Variants in KIAA1210 observed in about 807,000 individuals in gnomAD.
KIAA1210 encodes KIAA1210.
In KIAA1210, 48 loss-of-function variants were observed where a neutral mutation model predicts 78.9. That is an observed-to-expected ratio of 0.61 (90% CI 0.48 to 0.77). The LOEUF (loss-of-function observed/expected upper bound fraction) is 0.77, where lower values mean the gene tolerates loss of function less well. KIAA1210 is among the 30% of genes least tolerant of loss of function. The probability of loss-of-function intolerance (pLI) is 0.00; values close to 1 mark genes in which losing one functional copy is unlikely to be tolerated. For missense variants in KIAA1210, 1,108 were observed against 1,100.0 expected, an observed-to-expected ratio of 1.01 and a Z score of -0.10; for synonymous variants, 406 against 404.5, an observed-to-expected ratio of 1.00 and a Z score of -0.04.
At chrX:119,145,512 C>A (rs1010335828) in intron 2 of KIAA1210, among the ~76,000 whole-genome samples, 1 of 110,855 alleles carries the variant, frequency 9.0e-6, no homozygotes, top group Admixed American at 9.6e-5. Flanking sequence ...TAATAGCATG[C>A]AACAGGGGCC....
Position 119,088,794 on chromosome X carries a change from T to G in KIAA1210, c.1908A>C (p.Gln636His). The change falls in exon 9 of 12, where the codon CAA (glutamine) becomes CAC (histidine). Residue 636 changes from glutamine to histidine, a missense_variant. Gln to His is a conservative substitution (Grantham distance 24). This residue lies in a region of KIAA1210 where 672 missense variants were observed against 607.1 expected (regional missense o/e 1.11). Transcript: ENST00000691062. ...SQSLGKFEDE[Q>H]EVFSESKSFV... The stretch of plus-strand genomic sequence containing the variant: ...AACTTTTTGATTCTGAGAAGACTTC[T>G]TGTTCATCTTCAAACTTCCCCAAGG... 8.3e-7 allele frequency: 1 copy of G among 1,211,613 alleles called. No individual in the cohort carries two copies. Among genetic ancestry groups the G allele is most frequent in the Non-Finnish European group, 1.1e-6 (1 of 895,389 alleles).
At position 119,080,251 on chromosome X, in the gene KIAA1210, G is replaced by C. The variant is rs1369481485; in HGVS notation, c.*1078C>G. 2 of 111,844 alleles carry C rather than the reference G, an allele frequency of 1.8e-5. No homozygotes were observed. The highest frequency in any genetic ancestry group is 9.5e-5 in the Admixed American group (1 of 10,580). 9.2% of individuals were successfully genotyped at this position (111,844 alleles called of 1,213,427 possible). A position where few individuals can be genotyped will look rare whatever the true frequency, so the allele number is the denominator to read the frequency against. ...TTCCCAAGAAGCATTCTGCGTCATA[G>C]GGAGGTGCTCGCTACAGCCAGGCCT... is the stretch of plus-strand genomic sequence containing the variant. On this transcript the variant is annotated 3_prime_UTR_variant, in exon 12 of 12. Coordinates refer to ENST00000691062, the MANE Select transcript of KIAA1210 (RefSeq NM_001394962.1).
chrX:119,090,576 C>CG, intron 8 of KIAA1210, among the ~76,000 whole-genome samples: 1 of 101,305 alleles, frequency 9.9e-6, no homozygotes, highest in East Asian at 3.1e-4. Flanking sequence ...GGCCATGTTG[C>CG]TTTTTTTTTT....
At chrX:119,134,615 A>T (rs1928870783) in intron 2 of KIAA1210, among the ~76,000 whole-genome samples, 1 of 111,874 alleles carries the variant, frequency 8.9e-6, no homozygotes, top group Non-Finnish European at 1.9e-5. Flanking sequence ...TGCCTCAGAT[A>T]CTTGCTGCAG....
At chrX:119,081,991 C>A (rs189963201) in intron 11 of KIAA1210, among the ~76,000 whole-genome samples, 11 of 112,055 alleles carry the variant, frequency 9.8e-5, no homozygotes, top group African/African-American at 3.2e-4. Flanking sequence ...TGTACCAACC[C>A]AACTACCCCA....
Position 119,087,609 on chromosome X carries a change from C to T in KIAA1210, c.3093G>A (p.Glu1031=), listed in dbSNP as rs201573264. The T allele has an allele frequency of 2.0e-4, 240 of 1,209,390 alleles. No homozygotes were observed. The highest frequency in any genetic ancestry group is 2.5e-4 in the Non-Finnish European group (223 of 894,847). Residue 1031 remains glutamate (E), a synonymous_variant, in exon 9 of 12, where the codon GAG becomes GAA. Transcript: ENST00000691062. ...VKFMAQQIFS[E]SSALKRGSDV... is the part of the protein sequence containing the mutation. Reference sequence around the variant, plus strand: ...CACTGCCCCTCTTAAGAGCAGAGCTCTCTGAAAAGATTTGCTGTGCCATAA... The same window carrying T: ...CACTGCCCCTCTTAAGAGCAGAGCTTTCTGAAAAGATTTGCTGTGCCATAA...
rs1368062490 is a variant in KIAA1210, at chrX:119,087,750, C to A, written c.2952G>T (p.Gln984His). 3.3e-6 allele frequency: 4 copies of A among 1,211,782 alleles called. No homozygotes were observed. The highest frequency in any genetic ancestry group is 3.4e-6 in the Non-Finnish European group (3 of 895,467). ...GSPLPPQYAT[Q>H]FLKRSKVQEM... ...CCTGAACTTTAGACCTCTTTAAGAA[C>A]TGGGTAGCATATTGGGGAGGCAATG... Residue 984 changes from glutamine to histidine, a missense_variant, in exon 9 of 12, where the codon CAG becomes CAT. By Grantham distance (24) the Gln-to-His change is conservative (BLOSUM62 0). Coordinates refer to ENST00000691062, the MANE Select transcript of KIAA1210 (RefSeq NM_001394962.1).
rs960165246 is a variant in KIAA1210, at chrX:119,109,214, G to A, written c.231-12C>T. 8.4e-7 allele frequency: 1 copy of A among 1,187,054 alleles called. No homozygotes were observed. The highest frequency in any genetic ancestry group is 1.1e-6 in the Non-Finnish European group (1 of 883,422). ...TGCTGCTCTTGGCCCTGGACAGAAA[G>A]GAAAGGTCTTGTAAAAGCAACCCAA... On this transcript the variant is annotated splice_polypyrimidine_tract_variant and intron_variant, in intron 3 of 11. Transcript: ENST00000691062.
chrX:119,143,968 C>T (rs1929106945), intron 2 of KIAA1210, among the ~76,000 whole-genome samples: 1 of 112,608 alleles, frequency 8.9e-6, no homozygotes, highest in African/African-American at 3.2e-5. Flanking sequence ...GCACTTTCTA[C>T]TATATGGTAC....
rs202170203 is a variant in KIAA1210 at position 119,087,642 on chromosome X, G to A, written c.3060C>T (p.Phe1020=). Residue 1020 remains phenylalanine (F), a synonymous_variant, in exon 9 of 12, where the codon TTC becomes TTT. Transcript: ENST00000691062. ...AGATTTGCTGTGCCATAAATTTCAC[G>A]AATGACTGGGTCGGACGCCTGGGAA... ...SPIPRRPTQS[F]VKFMAQQIFS... 4.1e-6 allele frequency: 5 copies of A among 1,211,026 alleles called. No homozygotes were observed. Among genetic ancestry groups the A allele is most frequent in the South Asian group, 3.5e-5 (2 of 56,803 alleles).
At chrX:119,101,352 C>T (rs982833803) in intron 6 of KIAA1210, among the ~76,000 whole-genome samples, 1 of 111,569 alleles carries the variant, frequency 9.0e-6, no homozygotes, top group African/African-American at 3.3e-5. Flanking sequence ...GCTGTCTAGG[C>T]CCAGATTTCA....
At chrX:119,102,542 C>T (rs1458385113) in intron 6 of KIAA1210, among the ~76,000 whole-genome samples, 1 of 107,684 alleles carries the variant, frequency 9.3e-6, no homozygotes, top group African/African-American at 3.4e-5. Flanking sequence ...CAGAAGATTG[C>T]TTTAAAAAAA....
At chrX:119,120,075 A>G (rs894540391) in intron 2 of KIAA1210, among the ~76,000 whole-genome samples, 6 of 110,981 alleles carry the variant, frequency 5.4e-5, no homozygotes, top group Non-Finnish European at 1.1e-4. Flanking sequence ...AGGCTGAAAC[A>G]GGGGGATTGC....
At chrX:119,131,152 G>A (rs188361334), upstream of KIAA1210, among the ~76,000 whole-genome samples, 31 of 111,946 alleles carry the variant, frequency 2.8e-4, no homozygotes, top group Non-Finnish European at 4.7e-4. Context: ...TTTAAACAAT[G>A]TAATAGGATG....
chrX:119,083,034 T>C lies in KIAA1210; in HGVS notation c.4407A>G (p.Pro1469=). The C allele has an allele frequency of 8.3e-7, 1 of 1,200,555 alleles. No homozygotes were observed. The highest frequency in any genetic ancestry group is 1.1e-6 in the Non-Finnish European group (1 of 888,416). ...HKQEKTAQMK[P]PKPTKSVGFE... is the part of the protein sequence containing the mutation. ...TTTTACCTGATTTTGTAGGCTTAGG[T>C]GGCTTCATCTGTGCTGTCTTCTCCT... Residue 1469 remains proline, a synonymous_variant, in exon 11 of 12, where the codon CCA becomes CCG. Transcript: ENST00000691062.
chrX:119,149,481 C>CTGCAAGTCA (rs1929242508), intron 1 of KIAA1210, among the ~76,000 whole-genome samples: 2 of 111,240 alleles, frequency 1.8e-5, no homozygotes, highest in Admixed American at 1.9e-4. Flanking sequence ...TGATTGGAGA[C>CTGCAAGTCA]TTGCAATGAG....
Position 119,125,735 on chromosome X carries a change from A to ATATATATATATTT in KIAA1210, c.-11+1991_-11+1992insAAATATATATATA, listed in dbSNP as rs5903546. Reference sequence around the variant, plus strand: ...AATACATATATATATATATATATATATTTTTTTTTTTTTTTTTTTGGAGAG... The same window carrying ATATATATATATTT: ...AATACATATATATATATATATATATATATATATATATTTTTTTTTTTTTTTTTTTTTTGGAGAG... On this transcript the variant is annotated intron_variant, in intron 1 of 11. Transcript: ENST00000691062. 2.5e-3 allele frequency among the ~76,000 whole-genome samples: 39 copies of ATATATATATATTT among 15,794 alleles called. 2 individuals are homozygous for ATATATATATATTT. In the South Asian group the frequency reaches 0.037, roughly 15 times the overall value. 13.7% of individuals were successfully genotyped at this position (15,794 alleles called of 115,157 possible). A position where few individuals can be genotyped will look rare whatever the true frequency, so the allele number is the denominator to read the frequency against.
At chrX:119,125,735 A>ATATATATATTT (rs5903546) in intron 1 of KIAA1210, among the ~76,000 whole-genome samples, 14 of 15,794 alleles carry the variant, frequency 8.9e-4, no homozygotes, top group African/African-American at 3.6e-3. Flanking sequence ...ATATATATAT[A>ATATATATATTT]TTTTTTTTTT....
At chrX:119,081,542 C>A (rs1926967881) in intron 11 of KIAA1210, 38 bp from the exon 12 acceptor site, 2 of 1,157,013 alleles carry the variant, frequency 1.7e-6, no homozygotes, top group Non-Finnish European at 2.3e-6. Flanking sequence ...CAATAAGGAA[C>A]CCCAGCGATA....
Sources: gnomAD v4.1 joint callset for allele counts (sites outside exome capture counted in the v4.1 genomes callset) on GRCh38, gnomAD v4.1.1 for gene constraint, gnomAD v4.1.1 regional missense constraint, MANE v1.5 for transcripts, NCBI Gene and HGNC (gene_info 2026-07-23, HGNC 2026-07-21) for gene names.